NRG1: variants seen among roughly 807,000 people sequenced by gnomAD.
The protein encoded by NRG1 is neuregulin 1.
In NRG1, 18 loss-of-function variants were observed where a neutral mutation model predicts 63.8. The observed-to-expected ratio is 0.28, with a 90% CI of 0.19 to 0.42. NRG1 has a LOEUF of 0.42. NRG1 is among the 10% of genes least tolerant of loss of function. The probability of loss-of-function intolerance (pLI) is 1.00; values close to 1 mark genes in which losing one functional copy is unlikely to be tolerated. For synonymous variants in NRG1, 302 were observed against 301.3 expected, an observed-to-expected ratio of 1.00 and a Z score of -0.02; for missense variants, 762 against 814.7, an observed-to-expected ratio of 0.94 and a Z score of 0.79.
intron 2 of NRG1, among the ~76,000 whole-genome samples, chr8:32,604,300 ATGTG>A (rs1844885271): frequency 6.6e-6 from 1 of 152,184 alleles, no homozygotes; most frequent in Non-Finnish European, 1.5e-5. Flanking sequence ...GGGGGTCTAC[ATGTG>A]GAACTTTGGG....
At chr8:31,922,649 G>A (rs1563571223) in intron 1 of NRG1, among the ~76,000 whole-genome samples, 1 of 152,154 alleles carries the variant, frequency 6.6e-6, no homozygotes. Context: ...GAGAGTCTGT[G>A]CTTTTAGGCA....
chr8:31,736,999 T>C (rs1385324736), intron 1 of NRG1, among the ~76,000 whole-genome samples: 1 of 152,130 alleles, frequency 6.6e-6, no homozygotes, highest in African/African-American at 2.4e-5. Context: ...TCTGCCTCTT[T>C]CCAGTCGCAG....
intron 1 of NRG1, among the ~76,000 whole-genome samples, chr8:32,483,646 G>A (rs1335653155): frequency 6.6e-6 from 1 of 152,156 alleles, no homozygotes; most frequent in African/African-American, 2.4e-5. Flanking sequence ...TCGGAGGCTA[G>A]GTAAGTCTTC....
At chr8:31,723,042 C>G (rs1475706590) in intron 1 of NRG1, among the ~76,000 whole-genome samples, 1 of 152,082 alleles carries the variant, frequency 6.6e-6, no homozygotes, top group South Asian at 2.1e-4. Flanking sequence ...TATTGATGAA[C>G]TTAGAGATTA....
intron 6 of NRG1, among the ~76,000 whole-genome samples, chr8:32,731,228 C>T (rs1282185135): frequency 2.0e-5 from 3 of 152,154 alleles, no homozygotes; most frequent in Admixed American, 6.5e-5. Context: ...AATTTTTCTT[C>T]ACTCAACACA....
intron 1 of NRG1, among the ~76,000 whole-genome samples, chr8:32,010,780 G>A (rs1814626217): frequency 1.3e-5 from 2 of 152,002 alleles, no homozygotes; most frequent in African/African-American, 2.4e-5. Context: ...ATCGTTAGGT[G>A]GGCCTGGTGT....
At chr8:32,625,837 A>T (rs1318666391) in intron 5 of NRG1, among the ~76,000 whole-genome samples, 1 of 133,824 alleles carries the variant, frequency 7.5e-6, no homozygotes, top group Non-Finnish European at 1.5e-5. Context: ...CTCCGTCGTC[A>T]GGCTGGAGTG....
At chr8:32,007,985 A>C (rs969349626) in intron 1 of NRG1, among the ~76,000 whole-genome samples, 1 of 152,030 alleles carries the variant, frequency 6.6e-6, no homozygotes, top group African/African-American at 2.4e-5. Context: ...TGCTGGAAGA[A>C]ATGCTACATC....
intron 1 of NRG1, among the ~76,000 whole-genome samples, chr8:31,678,025 G>T (rs1418951285): frequency 7.1e-6 from 1 of 140,478 alleles, no homozygotes; most frequent in African/African-American, 2.6e-5. Flanking sequence ...TTCTGCCAAT[G>T]ATAAATTAAA....
At chr8:32,051,274 T>G (rs989590496) in intron 1 of NRG1, among the ~76,000 whole-genome samples, 2 of 152,172 alleles carry the variant, frequency 1.3e-5, no homozygotes, top group South Asian at 4.1e-4. Context: ...CTAGACTCAA[T>G]GCTAGGTCCA....
At chr8:32,104,433 A>G (rs1830991172) in intron 1 of NRG1, among the ~76,000 whole-genome samples, 1 of 152,160 alleles carries the variant, frequency 6.6e-6, no homozygotes, top group Non-Finnish European at 1.5e-5. Context: ...CTAAGACATT[A>G]CTGTACACTA....
Position 31,974,688 on chromosome 8 carries a change from G to T in NRG1, c.37+335257G>T, listed in dbSNP as rs113967301. ...CAAGAACCGCACTACTGAATCTCCC[G>T]TGTCTTTGTCCCTCCAGATAATTTA... On this transcript the variant is annotated intron_variant, in intron 1 of 10. Transcript: ENST00000519301. Among the ~76,000 whole-genome samples, 3 of 152,256 alleles carry T rather than the reference G, an allele frequency of 2.0e-5. No homozygotes were observed. The South Asian group carries it at 6.2e-4, about 32-fold the overall frequency.
At chr8:32,406,249 G>C (rs1020574315) in intron 1 of NRG1, among the ~76,000 whole-genome samples, 1 of 152,122 alleles carries the variant, frequency 6.6e-6, no homozygotes, top group Non-Finnish European at 1.5e-5. Flanking sequence ...AATTCATCTT[G>C]CATGGTCAGG....
chr8:32,022,156 G>A (rs765948992), intron 1 of NRG1, among the ~76,000 whole-genome samples: 13 of 152,072 alleles, frequency 8.5e-5, no homozygotes, highest in Non-Finnish European at 1.5e-4. Context: ...TTATTTATGG[G>A]CTTTAAGTCC....
intron 1 of NRG1, among the ~76,000 whole-genome samples, chr8:31,903,401 G>A (rs1008404886): frequency 6.6e-6 from 1 of 151,204 alleles, no homozygotes; most frequent in East Asian, 2.0e-4. Context: ...CTCCTGCCTC[G>A]GCCTCCCAAA....
At chr8:32,348,972 A>G (rs1805253389) in intron 1 of NRG1, among the ~76,000 whole-genome samples, 1 of 152,244 alleles carries the variant, frequency 6.6e-6, no homozygotes, top group South Asian at 2.1e-4. Flanking sequence ...GAGTGCACTT[A>G]GTAGGTGTTC....
At chr8:31,963,107 G>A (rs573687734) in intron 1 of NRG1, among the ~76,000 whole-genome samples, 5 of 152,242 alleles carry the variant, frequency 3.3e-5, no homozygotes, top group East Asian at 1.9e-4. Flanking sequence ...TGTCTTTGTC[G>A]TATTGATTAC....
At chr8:31,949,067 A>T (rs1487414763) in intron 1 of NRG1, among the ~76,000 whole-genome samples, 1 of 152,260 alleles carries the variant, frequency 6.6e-6, no homozygotes, top group South Asian at 2.1e-4. Context: ...GGTATATGGT[A>T]AGGATCATTA....
intron 1 of NRG1, among the ~76,000 whole-genome samples, chr8:31,923,873 C>A (rs575095797): frequency 3.3e-5 from 5 of 152,150 alleles, no homozygotes; most frequent in African/African-American, 1.2e-4. Flanking sequence ...CACCCCTCAC[C>A]CCTCTAAGTC....
Sources: allele counts gnomAD v4.1 joint callset (sites outside exome capture counted in the v4.1 genomes callset), GRCh38; gene constraint gnomAD v4.1.1; transcripts MANE v1.5; gene names NCBI Gene and HGNC (gene_info 2026-07-23, HGNC 2026-07-21).